Variants in PTPRR observed in about 807,000 individuals in gnomAD.
The protein encoded by PTPRR is receptor-type tyrosine-protein phosphatase R.
In PTPRR, 38 loss-of-function variants were observed where a neutral mutation model predicts 77.2. The ratio of observed to expected loss-of-function variants is 0.49; its 90% CI spans 0.38 to 0.65. The LOEUF is 0.65. PTPRR is among the 30% of genes least tolerant of loss of function. PTPRR has a pLI of 0.00. For missense variants in PTPRR, 744 were observed against 799.2 expected, an observed-to-expected ratio of 0.93 and a Z score of 0.83; for synonymous variants, 299 against 283.1, an observed-to-expected ratio of 1.06 and a Z score of -0.57.
chr12:70,772,819 A>G (rs1402677746), intron 2 of PTPRR, among the ~76,000 whole-genome samples: 2 of 152,206 alleles, frequency 1.3e-5, no homozygotes, highest in South Asian at 2.1e-4. Context: ...ATAGAAAGCT[A>G]TATCAAACAC....
chr12:70,879,030 C>T (rs1010329547), intron 2 of PTPRR, among the ~76,000 whole-genome samples: 8 of 152,074 alleles, frequency 5.3e-5, no homozygotes, highest in Non-Finnish European at 7.3e-5. Context: ...CATGTTCTCA[C>T]TCATAGGTGG....
At chr12:70,753,849 G>T (rs1296384323) in intron 5 of PTPRR, among the ~76,000 whole-genome samples, 1 of 151,978 alleles carries the variant, frequency 6.6e-6, no homozygotes, top group Non-Finnish European at 1.5e-5. Context: ...GATATAAAAG[G>T]AGAAATAAAG....
chr12:70,842,069 T>G (rs1892406514), intron 2 of PTPRR, among the ~76,000 whole-genome samples: 1 of 152,202 alleles, frequency 6.6e-6, no homozygotes, highest in South Asian at 2.1e-4. Context: ...TATTTCCTCT[T>G]AAAAAGCCCT....
chr12:70,861,984 GA>G (rs372316663), intron 2 of PTPRR, among the ~76,000 whole-genome samples: 62 of 152,262 alleles, frequency 4.1e-4, no homozygotes, highest in African/African-American at 1.5e-3. Flanking sequence ...CATCTGGTCA[GA>G]GAGTGAGGGC....
chr12:70,905,072 T>G (rs1438825181), intron 1 of PTPRR, among the ~76,000 whole-genome samples: 1 of 142,232 alleles, frequency 7.0e-6, no homozygotes, highest in Non-Finnish European at 1.5e-5. Flanking sequence ...TAGACTGAAC[T>G]CCCCCAGAAG....
intron 13 of PTPRR, among the ~76,000 whole-genome samples, 175 bp downstream of exon 13, chr12:70,656,529 A>G (rs1288409103): frequency 6.6e-6 from 1 of 152,188 alleles, no homozygotes; most frequent in Non-Finnish European, 1.5e-5. Context: ...ACCTTGTCTC[A>G]AAAAAGAGAG....
chr12:70,638,992 C>T lies in PTPRR; in HGVS notation c.*192G>A. The T allele has an allele frequency of 1.7e-6, 1 of 583,936 alleles. No homozygotes were observed. Among genetic ancestry groups the T allele is most frequent in the Non-Finnish European group, 3.0e-6 (1 of 328,736 alleles). 36.2% of individuals were successfully genotyped at this position (583,936 alleles called of 1,614,324 possible). ...AACCTTCAGAATAATTTGGGGGATG[C>T]TTACAAATGCATTCATATACACAAG... On this transcript the variant is annotated 3_prime_UTR_variant, in exon 14 of 14. Transcript: ENST00000283228.
chr12:70,665,537 A>C (rs1886959306), intron 10 of PTPRR, among the ~76,000 whole-genome samples: 1 of 151,266 alleles, frequency 6.6e-6, no homozygotes, highest in African/African-American at 2.4e-5. Context: ...GTGCACCATC[A>C]CGCCCAGCTA....
chr12:70,836,359 A>C (rs1235121930), intron 2 of PTPRR, among the ~76,000 whole-genome samples: 2 of 150,336 alleles, frequency 1.3e-5, no homozygotes, highest in African/African-American at 4.9e-5. Context: ...GCCTGCCTGG[A>C]AACGCCCTAT....
rs971459434 is a variant in PTPRR, at chr12:70,920,460, G to A, written c.-70C>T. On this transcript the variant is annotated 5_prime_UTR_variant, in exon 1 of 14. Transcript: ENST00000283228. ...ACTTCAGGTAAAGTGCTATTAGAAA[G>A]AGCCACCGCCAAGGGTCTTCTAGTC... 7.5e-5 allele frequency: 110 copies of A among 1,467,098 alleles called. No individual in the cohort carries two copies. The highest frequency in any genetic ancestry group is 1.0e-4 in the Non-Finnish European group (107 of 1,061,500). The allele number at this position is 1,467,098 out of a possible 1,614,324, so 90.9% of individuals were successfully genotyped here.
Position 70,754,191 on chromosome 12 carries a change from C to G in PTPRR, c.738G>C (p.Met246Ile). 2 of 1,612,084 alleles carry G rather than the reference C, an allele frequency of 1.2e-6. No individual in the cohort carries two copies. Among genetic ancestry groups the G allele is most frequent in the Non-Finnish European group, 1.7e-6 (2 of 1,179,322 alleles). ...SIFVIIVTCL[M>I]ILYRLKERFQ... ...AAAATATACAAAGAAGCAAACTTAC[C>G]ATCAAACACGTTACTATAATAACAA... Residue 246 changes from methionine to isoleucine, a missense_variant and splice_region_variant, in exon 5 of 14, where the codon ATG becomes ATC. By Grantham distance (10) the Met-to-Ile change is conservative. Transcript: ENST00000283228.
At chr12:70,646,278 T>C (rs1886195347) in intron 13 of PTPRR, among the ~76,000 whole-genome samples, 1 of 152,156 alleles carries the variant, frequency 6.6e-6, no homozygotes, top group Non-Finnish European at 1.5e-5. Flanking sequence ...GGATTTCCCA[T>C]GGCTTTACAC....
intron 2 of PTPRR, among the ~76,000 whole-genome samples, chr12:70,771,941 A>G (rs186787748): frequency 6.6e-6 from 1 of 152,304 alleles, no homozygotes; most frequent in Non-Finnish European, 1.5e-5. Context: ...TTGTTTGGGC[A>G]AACACTCAGC....
chr12:70,773,358 A>C (rs1446298412), intron 2 of PTPRR, among the ~76,000 whole-genome samples: 1 of 152,166 alleles, frequency 6.6e-6, no homozygotes, highest in Non-Finnish European at 1.5e-5. Flanking sequence ...AATTCTGAGG[A>C]AAGAAGCTGC....
intron 6 of PTPRR, among the ~76,000 whole-genome samples, chr12:70,703,739 C>A (rs1446318672): frequency 6.6e-6 from 1 of 152,080 alleles, no homozygotes; most frequent in Non-Finnish European, 1.5e-5. Flanking sequence ...GATGGCTAGT[C>A]CTATGCCCTT....
At chr12:70,880,712 G>A (rs1893134562) in intron 2 of PTPRR, among the ~76,000 whole-genome samples, 1 of 152,086 alleles carries the variant, frequency 6.6e-6, no homozygotes, top group South Asian at 2.1e-4. Context: ...ATGTTTCAAG[G>A]AGCAAGAATT....
rs527806978 is a variant in PTPRR, at chr12:70,853,784, G to A, written c.357+38895C>T. On this transcript the variant is annotated intron_variant, in intron 2 of 13. Coordinates refer to ENST00000283228, the MANE Select transcript of PTPRR (RefSeq NM_002849.4). ...CAGCCATGTCCCCGCTCCGCCTCCC[G>A]CAAAATGAAAAACACTGGTCACATA... 3.3e-5 allele frequency among the ~76,000 whole-genome samples: 5 copies of A among 152,022 alleles called. No individual in the cohort carries two copies. In the South Asian group the frequency reaches 1.0e-3, roughly 32 times the overall value.
chr12:70,765,557 T>C (rs571714091), intron 2 of PTPRR, among the ~76,000 whole-genome samples: 1 of 152,334 alleles, frequency 6.6e-6, no homozygotes, highest in South Asian at 2.1e-4. Context: ...CCTGCCTGCC[T>C]CTGTAGGCTC....
chr12:70,868,586 G>A (rs1892901790), intron 2 of PTPRR, among the ~76,000 whole-genome samples: 1 of 152,056 alleles, frequency 6.6e-6, no homozygotes, highest in Non-Finnish European at 1.5e-5. Flanking sequence ...TACACTGTTG[G>A]TGGGACTGTA....
Sources: allele counts gnomAD v4.1 joint callset (sites outside exome capture counted in the v4.1 genomes callset), GRCh38; gene constraint gnomAD v4.1.1; transcripts MANE v1.5; gene names NCBI Gene and HGNC (gene_info 2026-07-23, HGNC 2026-07-21).